SOX5: variants seen among roughly 807,000 people sequenced by gnomAD.
SOX5 encodes the protein SRY-box transcription factor 5, also known as transcription factor SOX-5.
In SOX5, 9 loss-of-function variants were observed where a neutral mutation model predicts 92.0. That is an observed-to-expected ratio of 0.10 (90% confidence interval 0.06 to 0.17). The LOEUF is 0.17. Among genes scored for constraint, SOX5 ranks in the 10% least tolerant of loss-of-function variants. SOX5 has a pLI of 1.00. For synonymous variants in SOX5, 344 were observed against 336.3 expected (o/e 1.02, Z -0.25); for missense variants, 642 against 944.5 (o/e 0.68, Z 4.20).
At chr12:23,652,224 T>C (rs144170244) in intron 7 of SOX5, among the ~76,000 whole-genome samples, 3 of 152,210 alleles carry the variant, frequency 2.0e-5, no homozygotes, top group Admixed American at 6.6e-5. Flanking sequence ...ATGATTTTCT[T>C]CTTCTCTAAT....
At chr12:24,290,700 G>A (rs952329185) in intron 2 of SOX5, among the ~76,000 whole-genome samples, 1 of 152,092 alleles carries the variant, frequency 6.6e-6, no homozygotes, top group African/African-American at 2.4e-5. Flanking sequence ...ACGGACTCAC[G>A]CTATAAAGAG....
rs73265682 is a variant in SOX5 at position 23,847,748 on chromosome 12, T to G, written c.271-1555A>C. ...AAATGGCTTTCATTTCTCACAAACA[T>G]TACAGAATATGCCTCTGACTAGCAC... On this transcript the variant is annotated intron_variant, in intron 2 of 14. Coordinates refer to ENST00000451604, the MANE Select transcript of SOX5 (RefSeq NM_006940.6). Among the ~76,000 whole-genome samples, 900 of 152,180 alleles carry G rather than the reference T, an allele frequency of 5.9e-3. 9 individuals carry two copies. The highest frequency in any genetic ancestry group is 0.021 in the African/African-American group (858 of 41,526).
Position 23,575,735 on chromosome 12 carries a change from T to C in SOX5, c.1268A>G (p.Asn423Ser), listed in dbSNP as rs1219970619. 2 of 1,613,916 alleles carry C rather than the reference T, an allele frequency of 1.2e-6. No homozygotes were observed. The highest frequency in any genetic ancestry group is 8.5e-7 in the Non-Finnish European group (1 of 1,179,958). The change falls in exon 10 of 15, where the codon AAC (asparagine) becomes AGC (serine). Residue 423 changes from asparagine to serine, a missense_variant. Physicochemically the swap from Asn to Ser is conservative, Grantham distance 46. Coordinates refer to ENST00000451604, the MANE Select transcript of SOX5 (RefSeq NM_006940.6). ...GGCTTTGAGGGGGCCTGCCCCACTGTTTATTCTCAGAGCTGGCATATGGGG... is the reference window on the plus strand; with the variant it reads ...GGCTTTGAGGGGGCCTGCCCCACTGCTTATTCTCAGAGCTGGCATATGGGG... ...TSPHMPALRI[N>S]SGAGPLKASV...
At chr12:24,255,203 T>C (rs1940936840) in intron 3 of SOX5, among the ~76,000 whole-genome samples, 1 of 152,188 alleles carries the variant, frequency 6.6e-6, no homozygotes, top group African/African-American at 2.4e-5. Context: ...CTAGATATAC[T>C]GTATATGTAT....
chr12:23,703,352 G>A (rs1414744541), intron 6 of SOX5, among the ~76,000 whole-genome samples: 1 of 151,984 alleles, frequency 6.6e-6, no homozygotes, highest in East Asian at 1.9e-4. Context: ...ATAACCATAT[G>A]TTAGTGTAAT....
chr12:23,762,435 C>G (rs1389896180), intron 3 of SOX5: 5 of 397,424 alleles, frequency 1.3e-5, no homozygotes, highest in Non-Finnish European at 2.2e-5. Flanking sequence ...ATAACACATA[C>G]CACAACAAAC....
At chr12:24,464,509 T>G (rs1944008089) in intron 1 of SOX5, among the ~76,000 whole-genome samples, 1 of 151,946 alleles carries the variant, frequency 6.6e-6, no homozygotes, top group Non-Finnish European at 1.5e-5. Context: ...CCCAGCTAAT[T>G]TTTTTGTATT....
intron 1 of SOX5, among the ~76,000 whole-genome samples, chr12:24,500,721 T>C (rs551017569): frequency 6.6e-6 from 1 of 152,318 alleles, no homozygotes; most frequent in East Asian, 1.9e-4. Context: ...TCTCCCATTG[T>C]TGAGAGTTCT....
chr12:24,555,326 A>T (rs1953663061), intron 1 of SOX5, among the ~76,000 whole-genome samples: 1 of 152,246 alleles, frequency 6.6e-6, no homozygotes, highest in South Asian at 2.1e-4. Context: ...GGTCAAGGTC[A>T]GTTGGTATAG....
chr12:23,661,404 G>A lies in SOX5; in HGVS notation c.931+4040C>T, dbSNP rs143366461. On this transcript the variant is annotated intron_variant, in intron 7 of 14. Coordinates refer to ENST00000451604, the MANE Select transcript of SOX5 (RefSeq NM_006940.6). ...AAAGAAGCCATGTGCTGCAGGAAGAGGCCTGGAGTGTGAGTGAGACAAAGT... is the reference window on the plus strand; with the variant it reads ...AAAGAAGCCATGTGCTGCAGGAAGAAGCCTGGAGTGTGAGTGAGACAAAGT... Among the ~76,000 whole-genome samples, 435 of 152,302 alleles carry A rather than the reference G, an allele frequency of 2.9e-3. 2 individuals carry two copies. Among genetic ancestry groups the A allele is most frequent in the Middle Eastern group, 0.017 (5 of 294 alleles).
At chr12:23,843,552 TCC>T (rs1451791442) in intron 3 of SOX5, among the ~76,000 whole-genome samples, 21 of 126,722 alleles carry the variant, frequency 1.7e-4, no homozygotes, top group African/African-American at 6.1e-4. Flanking sequence ...CAGTCATTTC[TCC>T]TTTTTTTTTT....
chr12:24,031,254 C>A (rs79300371), intron 4 of SOX5, among the ~76,000 whole-genome samples: 5,993 of 151,808 alleles, frequency 0.039, 136 homozygotes, highest in Admixed American at 0.06. Flanking sequence ...TATCTACACT[C>A]TCATGTTTAC....
chr12:24,324,155 C>T (rs376708577), intron 2 of SOX5, among the ~76,000 whole-genome samples: 3 of 151,888 alleles, frequency 2.0e-5, no homozygotes, highest in African/African-American at 7.3e-5. Context: ...CGTCATTTTG[C>T]TTGAAGTTAG....
intron 4 of SOX5, among the ~76,000 whole-genome samples, chr12:24,187,235 T>C (rs894861610): frequency 5.3e-5 from 8 of 152,186 alleles, no homozygotes; most frequent in African/African-American, 1.7e-4. Flanking sequence ...ATTTGTGTAA[T>C]TGATTGATCT....
At chr12:24,034,971 GA>G (rs1955876516) in intron 4 of SOX5, among the ~76,000 whole-genome samples, 1 of 152,050 alleles carries the variant, frequency 6.6e-6, no homozygotes, top group South Asian at 2.1e-4. Flanking sequence ...GTCTCCACAT[GA>G]AACAGAATGC....
upstream of SOX5, among the ~76,000 whole-genome samples, chr12:23,954,218 T>C (rs1479966389): frequency 6.6e-6 from 1 of 152,012 alleles, no homozygotes; most frequent in Non-Finnish European, 1.5e-5. Flanking sequence ...ATATTTGATA[T>C]GAATTCCTAC....
At chr12:24,490,417 T>C (rs1946938348) in intron 1 of SOX5, among the ~76,000 whole-genome samples, 2 of 152,342 alleles carry the variant, frequency 1.3e-5, no homozygotes, top group South Asian at 4.1e-4. Context: ...ATCATTTTCC[T>C]TCTATTTACA....
chr12:23,960,269 T>A (rs1412625964), intron 4 of SOX5, among the ~76,000 whole-genome samples: 1 of 151,984 alleles, frequency 6.6e-6, no homozygotes, highest in East Asian at 1.9e-4. Flanking sequence ...AGCAAAAGCT[T>A]ACACACACAC....
intron 2 of SOX5, among the ~76,000 whole-genome samples, chr12:24,319,514 T>G (rs897153651): frequency 1.3e-5 from 2 of 152,186 alleles, no homozygotes. Flanking sequence ...CTAACTATCT[T>G]AAAAGTCATC....
Sources: allele counts gnomAD v4.1 joint callset (sites outside exome capture counted in the v4.1 genomes callset), GRCh38; gene constraint gnomAD v4.1.1; transcripts MANE v1.5; gene names NCBI Gene and HGNC (gene_info 2026-07-23, HGNC 2026-07-21).